Variants in BBOF1 observed in about 807,000 individuals in gnomAD.
The protein encoded by BBOF1 is basal body orientation factor 1.
Under a neutral mutation model 68.0 loss-of-function variants are expected in BBOF1, and 62 were observed. That is an observed-to-expected ratio of 0.91 (90% CI 0.74 to 1.13). The LOEUF is 1.13. Ranked by LOEUF, BBOF1 falls within the 50% of genes most tolerant of loss-of-function variation. The pLI is 0.00. For synonymous variants in BBOF1, 208 were observed against 198.8 expected, an observed-to-expected ratio of 1.05 and a Z score of -0.39; for missense variants, 534 against 600.1, an observed-to-expected ratio of 0.89 and a Z score of 1.15.
rs888321089 is a variant in BBOF1 at position 74,064,602 on chromosome 14, G to A, written c.1579-86G>A. ...TATACAAAGGCTTAGACTTCCCCAT[G>A]CTCTTTCCTCAAAACTTTGTTGCTT... On this transcript the variant is annotated intron_variant, in intron 11 of 11. Transcript: ENST00000394009. The A allele has an allele frequency of 7.3e-5, 96 of 1,314,222 alleles. 1 individual carries two copies. The highest frequency in any genetic ancestry group is 6.2e-4 in the Admixed American group (37 of 59,532). 81.4% of individuals were successfully genotyped at this position (1,314,222 alleles called of 1,614,324 possible).
intron 8 of BBOF1, among the ~76,000 whole-genome samples, chr14:74,054,678 CTTT>C (rs551602396): frequency 8.4e-6 from 1 of 119,204 alleles, no homozygotes; most frequent in South Asian, 2.8e-4. Context: ...CACCCAGGCT[CTTT>C]TTTTTTTTTT....
chr14:74,019,826 G>A (rs1566784203), intron 1 of BBOF1, among the ~76,000 whole-genome samples: 1 of 152,210 alleles, frequency 6.6e-6, no homozygotes, highest in African/African-American at 2.4e-5. Flanking sequence ...AATTATTGAG[G>A]TTTTCCCAAA....
intron 11 of BBOF1, chr14:74,057,732 T>A (rs2060249968): frequency 1.7e-6 from 2 of 1,166,526 alleles, no homozygotes; most frequent in Non-Finnish European, 1.1e-6. Context: ...TCTGAGAAAT[T>A]TCAAATGAAG....
intron 5 of BBOF1, among the ~76,000 whole-genome samples, chr14:74,043,557 A>C (rs868402165): frequency 0.01 from 791 of 76,084 alleles, 1 homozygote; most frequent in Middle Eastern, 0.018. Flanking sequence ...ACTCCGTCTC[A>C]AAAAAAAAAA....
chr14:74,024,285 C>T (rs532260148), intron 2 of BBOF1, among the ~76,000 whole-genome samples: 9 of 151,962 alleles, frequency 5.9e-5, no homozygotes, highest in Admixed American at 5.9e-4. Context: ...AAGCAAGACC[C>T]AGTCTCTACA....
chr14:74,019,618 C>T, intron 1 of BBOF1, 84 bp downstream of exon 1: 2 of 1,534,220 alleles, frequency 1.3e-6, no homozygotes, highest in Non-Finnish European at 1.8e-6. Flanking sequence ...GCGCCCCCCG[C>T]GCCGGCCCAC....
At chr14:74,022,310 G>T (rs143657897) in intron 1 of BBOF1, among the ~76,000 whole-genome samples, 2,310 of 152,294 alleles carry the variant, frequency 0.015, 60 homozygotes, top group African/African-American at 0.051. Context: ...CACTTTCGGA[G>T]GCTGAGGTAG....
At chr14:74,028,816 C>G (rs2059498432) in intron 2 of BBOF1, among the ~76,000 whole-genome samples, 1 of 151,860 alleles carries the variant, frequency 6.6e-6, no homozygotes. Context: ...TCAAGTGATT[C>G]TCCTGCCTCA....
At chr14:74,035,694 A>G (rs1359502857) in intron 4 of BBOF1, among the ~76,000 whole-genome samples, 1 of 145,884 alleles carries the variant, frequency 6.9e-6, no homozygotes, top group Non-Finnish European at 1.5e-5. Flanking sequence ...CGGCCTCCCA[A>G]AGTGCTTGGA....
downstream of BBOF1, chr14:74,067,473 A>G (rs2060485392): frequency 1.9e-6 from 3 of 1,614,106 alleles, no homozygotes; most frequent in Non-Finnish European, 2.5e-6. Flanking sequence ...AGAGCCATGC[A>G]GCGCTGACCA....
intron 9 of BBOF1, chr14:74,072,621 A>G: frequency 6.5e-7 from 1 of 1,540,984 alleles, no homozygotes. Flanking sequence ...GCTGAAAAAA[A>G]CAAACAAACA....
At chr14:74,031,119 C>CTTT (rs71860688) in intron 3 of BBOF1, among the ~76,000 whole-genome samples, 10,917 of 143,462 alleles carry the variant, frequency 0.076, 550 homozygotes, top group South Asian at 0.26. Context: ...CTTTTCTTTT[C>CTTT]TTTTTTTTTT....
intron 1 of BBOF1, 149 bp from the exon 2 acceptor site, chr14:74,022,767 A>G (rs952269994): frequency 2.3e-5 from 9 of 393,902 alleles, no homozygotes; most frequent in Non-Finnish European, 3.2e-5. Flanking sequence ...TATTCTTCCA[A>G]CAATATTTGA....
intron 8 of BBOF1, among the ~76,000 whole-genome samples, chr14:74,053,150 C>G (rs1243919933): frequency 2.0e-5 from 3 of 152,034 alleles, no homozygotes; most frequent in Non-Finnish European, 4.4e-5. Flanking sequence ...GAATCTCACT[C>G]TGTCGCCAGG....
At chr14:74,067,454 G>A (rs1566830443), downstream of BBOF1, 5 of 1,614,186 alleles carry the variant, frequency 3.1e-6, no homozygotes, top group East Asian at 2.2e-5. Flanking sequence ...CACAAGGACT[G>A]CTGTTGAAAG....
At chr14:74,066,462 C>T (rs898355696), downstream of BBOF1, among the ~76,000 whole-genome samples, 1 of 152,052 alleles carries the variant, frequency 6.6e-6, no homozygotes, top group Non-Finnish European at 1.5e-5. Context: ...ACACTATATC[C>T]CTGCAAAGCT....
At chr14:74,049,628 C>A in intron 7 of BBOF1, 74 bp from the exon 8 acceptor site, 1 of 1,344,466 alleles carries the variant, frequency 7.4e-7, no homozygotes, top group Non-Finnish European at 9.9e-7. Context: ...TGCCACTGCC[C>A]TCCAGCCTGG....
At position 74,065,073 on chromosome 14, in the gene BBOF1, G is replaced by A; in HGVS notation, c.*374G>A. 1 of 1,418,302 alleles carries A rather than the reference G, an allele frequency of 7.1e-7. No individual in the cohort carries two copies. Among genetic ancestry groups the A allele is most frequent in the Non-Finnish European group, 9.9e-7 (1 of 1,014,124 alleles). 87.9% of individuals were successfully genotyped at this position (1,418,302 alleles called of 1,614,324 possible). On this transcript the variant is annotated 3_prime_UTR_variant, in exon 12 of 12. Transcript: ENST00000394009. ...TCCTGAGGAAGAAATGGGGCAATGT[G>A]GGAGGTCATGGGGGCAATCTTAAAC...
intron 1 of BBOF1, among the ~76,000 whole-genome samples, chr14:74,022,307 G>A (rs770357703): frequency 3.9e-5 from 6 of 152,280 alleles, no homozygotes; most frequent in African/African-American, 1.2e-4. Flanking sequence ...CAGCACTTTC[G>A]GAGGCTGAGG....
Sources: allele counts gnomAD v4.1 joint callset (sites outside exome capture counted in the v4.1 genomes callset), GRCh38; gene constraint gnomAD v4.1.1; transcripts MANE v1.5; gene names NCBI Gene and HGNC (gene_info 2026-07-23, HGNC 2026-07-21).